Variants in EFCAB11 observed in about 807,000 individuals in gnomAD.
The protein encoded by EFCAB11 is EF-hand calcium-binding domain-containing protein 11.
Under a neutral mutation model 23.0 loss-of-function variants are expected in EFCAB11, and 14 were observed. The observed-to-expected ratio is 0.61, with a 90% CI of 0.40 to 0.95. The LOEUF is 0.95. Ranked by LOEUF, EFCAB11 falls within the 40% of genes least tolerant of loss-of-function variation. The pLI, the probability that EFCAB11 is intolerant of heterozygous loss-of-function variation, is 0.00. For missense variants in EFCAB11, 198 were observed against 195.8 expected, an observed-to-expected ratio of 1.01 and a Z score of -0.07; for synonymous variants, 65 against 66.6, an observed-to-expected ratio of 0.98 and a Z score of 0.11.
intron 3 of EFCAB11, among the ~76,000 whole-genome samples, chr14:89,945,404 A>G (rs1890944150): frequency 6.6e-6 from 1 of 152,212 alleles, no homozygotes; most frequent in Admixed American, 6.5e-5. Context: ...TCCATCCTAC[A>G]AAATTTGAAA....
chr14:89,936,749 A>AGTCCAAAGCCACTTTCCACTTTC (rs1890598008), intron 3 of EFCAB11, among the ~76,000 whole-genome samples: 1 of 152,214 alleles, frequency 6.6e-6, no homozygotes, highest in Non-Finnish European at 1.5e-5. Flanking sequence ...CAAAGCCAAT[A>AGTCCAAAGCCACTTTCCACTTTC]CATAGTAACA....
At chr14:89,834,242 G>C (rs1271404834) in intron 5 of EFCAB11, among the ~76,000 whole-genome samples, 1 of 151,876 alleles carries the variant, frequency 6.6e-6, no homozygotes, top group Non-Finnish European at 1.5e-5. Context: ...CGAGCATGGT[G>C]GCGCGTGCCT....
At position 89,844,883 on chromosome 14, in the gene EFCAB11, G is replaced by A. The variant is rs1347906580; in HGVS notation, c.411-47559C>T. Reference sequence around the variant, plus strand: ...GTAAACCCTCCTTGGTGTTGTTTCTGGAACACTATGAGGTAGACTGCCAGG... The same window carrying A: ...GTAAACCCTCCTTGGTGTTGTTTCTAGAACACTATGAGGTAGACTGCCAGG... On this transcript the variant is annotated intron_variant, in intron 5 of 5. Transcript: ENST00000316738. Among the ~76,000 whole-genome samples the A allele has an allele frequency of 2.0e-5, 3 of 152,220 alleles. No homozygotes were observed. In the East Asian group the frequency reaches 5.8e-4, roughly 29 times the overall value.
intron 5 of EFCAB11, among the ~76,000 whole-genome samples, chr14:89,851,478 G>A (rs1371789087): frequency 6.6e-6 from 1 of 152,188 alleles, no homozygotes; most frequent in Non-Finnish European, 1.5e-5. Context: ...AGGCTGAATA[G>A]TATTCCTGCT....
intron 5 of EFCAB11, among the ~76,000 whole-genome samples, chr14:89,881,143 G>C (rs1888583771): frequency 1.3e-5 from 2 of 151,724 alleles, no homozygotes; most frequent in Non-Finnish European, 2.9e-5. Flanking sequence ...AACAACTGGT[G>C]ATTATATGGT....
chr14:89,805,405 G>T (rs1403853663), intron 5 of EFCAB11, among the ~76,000 whole-genome samples: 1 of 152,232 alleles, frequency 6.6e-6, no homozygotes, highest in African/African-American at 2.4e-5. Context: ...GGTTGGTAAA[G>T]AATTGGTACA....
intron 5 of EFCAB11, among the ~76,000 whole-genome samples, chr14:89,911,131 A>C (rs1438856786): frequency 1.3e-5 from 2 of 152,246 alleles, no homozygotes; most frequent in African/African-American, 2.4e-5. Flanking sequence ...TAGTAAAATA[A>C]ATAGAAGTGA....
intron 3 of EFCAB11, 80 bp downstream of exon 3, chr14:89,950,017 T>G: frequency 7.2e-7 from 1 of 1,389,232 alleles, no homozygotes; most frequent in Non-Finnish European, 9.7e-7. Context: ...GAATTTGAGA[T>G]GAGACTGATG....
chr14:89,808,716 C>T (rs1429489131), intron 5 of EFCAB11, among the ~76,000 whole-genome samples: 1 of 152,050 alleles, frequency 6.6e-6, no homozygotes, highest in Non-Finnish European at 1.5e-5. Flanking sequence ...GAAACAATTC[C>T]CTCAAATTAT....
At chr14:89,873,871 G>A (rs1888356347) in intron 5 of EFCAB11, among the ~76,000 whole-genome samples, 1 of 152,190 alleles carries the variant, frequency 6.6e-6, no homozygotes, top group Admixed American at 6.5e-5. Context: ...GGCATTGAGT[G>A]TTTGTGGCTT....
At chr14:89,939,045 C>A (rs1890695899) in intron 3 of EFCAB11, among the ~76,000 whole-genome samples, 1 of 151,248 alleles carries the variant, frequency 6.6e-6, no homozygotes, top group Non-Finnish European at 1.5e-5. Context: ...CTATCAAACC[C>A]AGGCAGGAAT....
At chr14:89,824,616 C>A (rs1433803006) in intron 5 of EFCAB11, among the ~76,000 whole-genome samples, 1 of 151,958 alleles carries the variant, frequency 6.6e-6, no homozygotes, top group African/African-American at 2.4e-5. Flanking sequence ...AAAGCAGACT[C>A]AACTGTATGC....
At chr14:89,936,261 C>T (rs1035577084) in intron 3 of EFCAB11, among the ~76,000 whole-genome samples, 10 of 152,046 alleles carry the variant, frequency 6.6e-5, no homozygotes, top group Non-Finnish European at 1.5e-4. Flanking sequence ...CCTGGTTCAT[C>T]GTGTAATTCA....
intron 5 of EFCAB11, among the ~76,000 whole-genome samples, chr14:89,827,826 T>A (rs1180388356): frequency 6.6e-6 from 1 of 151,778 alleles, no homozygotes; most frequent in Non-Finnish European, 1.5e-5. Flanking sequence ...AGAGACAGGG[T>A]TTCTCCATGT....
At chr14:89,851,242 G>A (rs756564211) in intron 5 of EFCAB11, among the ~76,000 whole-genome samples, 4 of 152,154 alleles carry the variant, frequency 2.6e-5, no homozygotes, top group Non-Finnish European at 5.9e-5. Context: ...ATCTCCCTCT[G>A]TAGCTGCTGA....
chr14:89,904,976 T>G (rs1889452514), intron 5 of EFCAB11, among the ~76,000 whole-genome samples: 1 of 152,196 alleles, frequency 6.6e-6, no homozygotes, highest in Non-Finnish European at 1.5e-5. Context: ...TTATTAGTTT[T>G]TTCTATGCTC....
At chr14:89,939,255 T>C (rs1040881408) in intron 3 of EFCAB11, among the ~76,000 whole-genome samples, 6 of 150,952 alleles carry the variant, frequency 4.0e-5, no homozygotes, top group African/African-American at 1.5e-4. Flanking sequence ...TTACATACTA[T>C]ATTCCTTGCT....
intron 5 of EFCAB11, among the ~76,000 whole-genome samples, chr14:89,801,088 G>C (rs1201802407): frequency 6.7e-6 from 1 of 150,152 alleles, no homozygotes; most frequent in Admixed American, 6.6e-5. Context: ...TACTTGGTAT[G>C]AACAATTTAG....
intron 5 of EFCAB11, among the ~76,000 whole-genome samples, chr14:89,812,503 A>G (rs1385487634): frequency 6.6e-6 from 1 of 152,238 alleles, no homozygotes; most frequent in African/African-American, 2.4e-5. Context: ...AGAGCTGAGA[A>G]CAAATTTGAC....
Sources: allele counts gnomAD v4.1 joint callset (sites outside exome capture counted in the v4.1 genomes callset), GRCh38; gene constraint gnomAD v4.1.1; transcripts MANE v1.5; gene names NCBI Gene and HGNC (gene_info 2026-07-23, HGNC 2026-07-21).